Variants in FSTL5 observed in about 807,000 individuals in gnomAD.
The protein encoded by FSTL5 is follistatin-related protein 5.
In FSTL5, 62 loss-of-function variants were observed where a neutral mutation model predicts 89.1. The observed-to-expected ratio is 0.70, with a 90% CI of 0.57 to 0.86. The LOEUF (loss-of-function observed/expected upper bound fraction) is 0.86. FSTL5 is among the 40% of genes least tolerant of loss of function. The pLI is 0.00. For synonymous variants in FSTL5, 383 were observed against 346.2 expected (o/e 1.11, Z -1.18); for missense variants, 1,057 against 1,001.6 (o/e 1.06, Z -0.75).
intron 4 of FSTL5, among the ~76,000 whole-genome samples, chr4:161,828,501 A>G (rs1160352594): frequency 6.6e-6 from 1 of 152,132 alleles, no homozygotes; most frequent in Non-Finnish European, 1.5e-5. Flanking sequence ...CTCTCTCAGT[A>G]GTCTGATAAG....
intron 3 of FSTL5, among the ~76,000 whole-genome samples, chr4:161,977,629 A>T (rs868234540): frequency 0.011 from 958 of 86,374 alleles, 5 homozygotes; most frequent in Non-Finnish European, 0.019. Context: ...AAAAAAAAAA[A>T]AAAAAAAAAA....
intron 11 of FSTL5, among the ~76,000 whole-genome samples, chr4:161,505,199 T>A (rs531084595): frequency 6.6e-6 from 1 of 152,290 alleles, no homozygotes; most frequent in African/African-American, 2.4e-5. Flanking sequence ...CAAGAATAGA[T>A]TGCGTTGCAT....
intron 8 of FSTL5, among the ~76,000 whole-genome samples, chr4:161,556,828 A>G (rs992894982): frequency 6.1e-5 from 9 of 147,350 alleles, no homozygotes; most frequent in Admixed American, 3.4e-4. Flanking sequence ...TTATATATAT[A>G]TGTGTGTGTG....
chr4:161,883,262 G>C (rs2126912948), intron 4 of FSTL5, among the ~76,000 whole-genome samples: 1 of 152,284 alleles, frequency 6.6e-6, no homozygotes, highest in Middle Eastern at 3.4e-3. Context: ...GGAAGGGTTT[G>C]TTTTGATCTG....
chr4:161,785,700 C>A (rs1423816072), intron 4 of FSTL5, among the ~76,000 whole-genome samples: 1 of 152,140 alleles, frequency 6.6e-6, no homozygotes, highest in Non-Finnish European at 1.5e-5. Flanking sequence ...GAATATAGTA[C>A]TCTTCCTTAA....
chr4:161,706,927 T>G (rs1738603703), intron 6 of FSTL5, among the ~76,000 whole-genome samples: 1 of 151,992 alleles, frequency 6.6e-6, no homozygotes, highest in South Asian at 2.1e-4. Flanking sequence ...GGACAATATT[T>G]CATTGAAAAG....
chr4:161,496,924 T>C (rs1294457771), intron 12 of FSTL5, among the ~76,000 whole-genome samples: 3 of 152,112 alleles, frequency 2.0e-5, no homozygotes, highest in East Asian at 1.9e-4. Context: ...GGAGAACTTA[T>C]TGATTCTGTT....
chr4:161,562,816 C>A (rs1013893138), intron 8 of FSTL5, among the ~76,000 whole-genome samples: 1 of 151,964 alleles, frequency 6.6e-6, no homozygotes. Context: ...TGTTGAAATT[C>A]CATAACTACT....
At chr4:162,018,298 G>A (rs1372593006) in intron 3 of FSTL5, among the ~76,000 whole-genome samples, 1 of 152,076 alleles carries the variant, frequency 6.6e-6, no homozygotes, top group Non-Finnish European at 1.5e-5. Context: ...TTTAGAGTTA[G>A]GCCTGGTTAA....
chr4:161,853,225 T>C (rs931252101), intron 4 of FSTL5, among the ~76,000 whole-genome samples: 2 of 152,214 alleles, frequency 1.3e-5, no homozygotes, highest in Non-Finnish European at 2.9e-5. Flanking sequence ...TGTAGTCATG[T>C]AGATCATGTA....
At chr4:161,776,996 A>G (rs1464671548) in intron 4 of FSTL5, among the ~76,000 whole-genome samples, 1 of 151,116 alleles carries the variant, frequency 6.6e-6, no homozygotes, top group Non-Finnish European at 1.5e-5. Flanking sequence ...TACCCAACCA[A>G]CTAACCCATC....
At chr4:161,686,337 TATATATA>T (rs1197653682) in intron 6 of FSTL5, among the ~76,000 whole-genome samples, 49 of 8,356 alleles carry the variant, frequency 5.9e-3, no homozygotes, top group Non-Finnish European at 8.1e-3. Flanking sequence ...TATATATATA[TATATATA>T]TATTTTTTTT....
intron 1 of FSTL5, among the ~76,000 whole-genome samples, chr4:162,160,297 G>A (rs529134192): frequency 1.5e-3 from 222 of 151,852 alleles, no homozygotes; most frequent in Middle Eastern, 0.01. Context: ...TTAAAACACA[G>A]GGGGACTAAT....
chr4:161,748,627 T>TC (rs1366060472), intron 6 of FSTL5, among the ~76,000 whole-genome samples: 1 of 146,028 alleles, frequency 6.8e-6, no homozygotes, highest in African/African-American at 2.6e-5. Flanking sequence ...TTTTTTTTTT[T>TC]TCTCAGACTG....
intron 4 of FSTL5, among the ~76,000 whole-genome samples, chr4:161,827,940 C>T (rs1238455331): frequency 6.6e-6 from 1 of 152,168 alleles, no homozygotes; most frequent in Non-Finnish European, 1.5e-5. Context: ...TGTCTACACT[C>T]TGGATTCACA....
intron 7 of FSTL5, among the ~76,000 whole-genome samples, chr4:161,609,602 G>T (rs1314412805): frequency 6.6e-6 from 1 of 151,890 alleles, no homozygotes; most frequent in African/African-American, 2.4e-5. Context: ...AAATTGTCAA[G>T]AACTATGAAT....
chr4:162,069,881 A>AT (rs74958669), intron 2 of FSTL5, among the ~76,000 whole-genome samples: 1 of 151,550 alleles, frequency 6.6e-6, no homozygotes, highest in African/African-American at 2.4e-5. Flanking sequence ...TGATATACTA[A>AT]TTTTTTTTCT....
intron 7 of FSTL5, among the ~76,000 whole-genome samples, chr4:161,615,878 T>C (rs1734849699): frequency 6.6e-6 from 1 of 152,290 alleles, no homozygotes; most frequent in African/African-American, 2.4e-5. Context: ...AACCCTTTAA[T>C]AGGCTAATGT....
At chr4:161,993,302 A>G (rs1736191640) in intron 3 of FSTL5, among the ~76,000 whole-genome samples, 1 of 152,036 alleles carries the variant, frequency 6.6e-6, no homozygotes, top group African/African-American at 2.4e-5. Context: ...ATTGTAACTG[A>G]ATAATGACAA....
Sources: allele counts gnomAD v4.1 joint callset (sites outside exome capture counted in the v4.1 genomes callset), GRCh38; gene constraint gnomAD v4.1.1; transcripts MANE v1.5; gene names NCBI Gene and HGNC (gene_info 2026-07-23, HGNC 2026-07-21).